Variants in CLEC12A observed in about 807,000 individuals in gnomAD.
CLEC12A encodes C-type lectin domain family 12 member A, also known as C-type lectin protein CLL-1.
Under a neutral mutation model 26.5 loss-of-function variants are expected in CLEC12A, and 22 were observed. The ratio of observed to expected loss-of-function variants is 0.83; its 90% CI spans 0.59 to 1.19. The LOEUF is 1.19. CLEC12A is among the 50% of genes most tolerant of loss of function. The pLI is 0.00. For synonymous variants in CLEC12A, 119 were observed against 101.9 expected (o/e 1.17, Z -1.01); for missense variants, 353 against 315.6 (o/e 1.12, Z -0.90).
chr12:9,976,954 A>G (rs1445915189), intron 1 of CLEC12A, among the ~76,000 whole-genome samples: 1 of 152,048 alleles, frequency 6.6e-6, no homozygotes, highest in Non-Finnish European at 1.5e-5. Context: ...TGTGCCTTTC[A>G]CCTTCCACCA....
At chr12:9,972,055 T>G (rs1333583855) in intron 1 of CLEC12A, among the ~76,000 whole-genome samples, 1 of 92,136 alleles carries the variant, frequency 1.1e-5, no homozygotes, top group Non-Finnish European at 2.2e-5. Context: ...TGTGTGTGTG[T>G]GTGTGTTTTT....
chr12:9,997,654 A>G (rs1865085939), downstream of CLEC12A, among the ~76,000 whole-genome samples: 1 of 152,214 alleles, frequency 6.6e-6, no homozygotes, highest in South Asian at 2.1e-4. Flanking sequence ...TCATTTAAAA[A>G]TACATACTGA....
upstream of CLEC12A, among the ~76,000 whole-genome samples, chr12:9,966,881 A>G (rs549373986): frequency 3.9e-4 from 40 of 101,444 alleles, no homozygotes; most frequent in African/African-American, 1.5e-3. Flanking sequence ...CAAACGAGCC[A>G]TGAACTGGGC....
downstream of CLEC12A, among the ~76,000 whole-genome samples, chr12:9,990,431 A>T (rs1864865433): frequency 6.6e-6 from 1 of 152,218 alleles, no homozygotes; most frequent in Non-Finnish European, 1.5e-5. Flanking sequence ...TCAAGACTTC[A>T]GTGGTGGAAG....
At chr12:9,972,042 A>ATGTG (rs200619603) in intron 1 of CLEC12A, among the ~76,000 whole-genome samples, 26 of 95,864 alleles carry the variant, frequency 2.7e-4, no homozygotes, top group African/African-American at 9.6e-4. Context: ...ATGATTTCAT[A>ATGTG]TGTGTGTGTG....
intron 1 of CLEC12A, among the ~76,000 whole-genome samples, chr12:9,963,383 G>A (rs1048020731): frequency 8.8e-5 from 13 of 147,990 alleles, no homozygotes; most frequent in Non-Finnish European, 2.0e-4. Context: ...AGCGGTTTTG[G>A]AGGACAACTG....
chr12:10,005,472 C>T, the CLEC12A span, among the ~76,000 whole-genome samples: 32 of 152,178 alleles, frequency 2.1e-4, no homozygotes, highest in Non-Finnish European at 3.7e-4. Flanking sequence ...CTTGCTTCTA[C>T]GATGACAGCT....
At chr12:9,988,806 G>A (rs1217970938), downstream of CLEC12A, among the ~76,000 whole-genome samples, 3 of 152,166 alleles carry the variant, frequency 2.0e-5, no homozygotes, top group East Asian at 1.9e-4. Flanking sequence ...TCAGTGTGGC[G>A]ATTCCTCAGG....
Position 9,982,134 on chromosome 12 carries a change from G to T in CLEC12A, c.641+5G>T, listed in dbSNP as rs775599251. 1 of 1,458,094 alleles carries T rather than the reference G, an allele frequency of 6.9e-7. No individual in the cohort carries two copies. The highest frequency in any genetic ancestry group is 2.3e-5 in the East Asian group (1 of 43,918). 90.3% of individuals were successfully genotyped at this position (1,458,094 alleles called of 1,614,324 possible). A position where few individuals can be genotyped will look rare whatever the true frequency, so the allele number is the denominator to read the frequency against. ...TATAATCAACTCCTCTGCCTGGTAA[G>T]TGTCTATTCTTGTTAGAATTTTATA... On this transcript the variant is annotated splice_donor_5th_base_variant and intron_variant, in intron 5 of 5. Transcript: ENST00000304361.
At chr12:9,971,945 C>T (rs1391264199) in intron 1 of CLEC12A, among the ~76,000 whole-genome samples, 2 of 151,894 alleles carry the variant, frequency 1.3e-5, no homozygotes, top group South Asian at 2.1e-4. Flanking sequence ...ATAATTGGGA[C>T]AGAATTTTTC....
chr12:9,977,030 T>C (rs1188002646), intron 1 of CLEC12A, among the ~76,000 whole-genome samples: 2 of 152,154 alleles, frequency 1.3e-5, no homozygotes, highest in Non-Finnish European at 2.9e-5. Flanking sequence ...CCTTATAAAT[T>C]GCCCAGTCTT....
chr12:9,962,026 A>C (rs1438871117), intron 1 of CLEC12A, among the ~76,000 whole-genome samples: 1 of 152,156 alleles, frequency 6.6e-6, no homozygotes, highest in Non-Finnish European at 1.5e-5. Context: ...GTTCTCGCTG[A>C]GTGTACCTCC....
intron 1 of CLEC12A, among the ~76,000 whole-genome samples, chr12:9,976,022 C>T (rs1194402367): frequency 2.6e-5 from 4 of 152,212 alleles, no homozygotes; most frequent in African/African-American, 7.2e-5. Context: ...TTTTGGGAAC[C>T]TCTGTCTAGA....
At chr12:9,962,457 A>G (rs1054232047) in intron 1 of CLEC12A, among the ~76,000 whole-genome samples, 7 of 152,072 alleles carry the variant, frequency 4.6e-5, no homozygotes, top group Non-Finnish European at 8.8e-5. Context: ...CCGTGTGAAG[A>G]GACCACCAAA....
chr12:9,952,412 A>G, intron 1 of CLEC12A: 1 of 159,776 alleles, frequency 6.3e-6, no homozygotes, highest in South Asian at 1.2e-4. Context: ...CCTAACCGCG[A>G]GTGATCCGCC....
In CLEC12A at chr12:9,971,617, T is replaced by A. The variant is rs775695218; in HGVS notation, c.21T>A (p.Tyr7Ter). The part of the protein sequence containing the change: MSEEVT[Y>*]ADLQFQNSSE... ...CATCAATGTCTGAAGAAGTTACTTA[T>A]GCAGATCTTCAATTCCAGAACTCCA... The change falls in exon 1 of 6, where the codon TAT becomes TAA. Residue 7 changes from tyrosine (Y) to a stop codon, truncating the protein, a stop_gained. Coordinates refer to ENST00000304361, the MANE Select transcript of CLEC12A (RefSeq NM_138337.6). LOFTEE classifies it high-confidence loss of function. 2 of 1,608,704 alleles carry A rather than the reference T, an allele frequency of 1.2e-6. No homozygotes were observed. Among genetic ancestry groups the A allele is most frequent in the Non-Finnish European group, 1.7e-6 (2 of 1,177,588 alleles).
At chr12:9,979,978 A>G (rs750102767) in intron 3 of CLEC12A, among the ~76,000 whole-genome samples, 14 of 152,216 alleles carry the variant, frequency 9.2e-5, no homozygotes, top group Non-Finnish European at 1.8e-4. Context: ...ATAAGTTTCT[A>G]TAGTCATAGT....
At position 9,995,436 on chromosome 12, in the gene CLEC12A, G is replaced by A. The variant is rs1217921325; in HGVS notation, n.1423G>A. 4 of 560,908 alleles carry A rather than the reference G, an allele frequency of 7.1e-6. No individual in the cohort carries two copies. The Admixed American group carries it at 7.6e-5, about 11-fold the overall frequency. 34.7% of individuals were successfully genotyped at this position (560,908 alleles called of 1,614,324 possible). A position where few individuals can be genotyped will look rare whatever the true frequency, so the allele number is the denominator to read the frequency against. ...TCTGAGAACTTAAAAAAAACTTATA[G>A]GACACAGGTAAAATTGTACACAAAA... On this transcript the variant is annotated non_coding_transcript_exon_variant, in exon 5 of 5. Coordinates refer to the CLEC12A transcript ENST00000449959.
intron 1 of CLEC12A, among the ~76,000 whole-genome samples, chr12:9,960,733 C>T (rs968959864): frequency 6.6e-6 from 1 of 152,188 alleles, no homozygotes; most frequent in Non-Finnish European, 1.5e-5. Context: ...GAAATGGACC[C>T]TGTCTGGTCT....
Sources: gnomAD v4.1 joint callset for allele counts (sites outside exome capture counted in the v4.1 genomes callset) on GRCh38, gnomAD v4.1.1 for gene constraint, MANE v1.5 for transcripts, NCBI Gene and HGNC (gene_info 2026-07-23, HGNC 2026-07-21) for gene names.